ITGA11: variants seen among roughly 807,000 people sequenced by gnomAD.
ITGA11 encodes the protein integrin subunit alpha 11.
ITGA11 carries 97 observed loss-of-function variants against 141.9 expected under a neutral mutation model. That is an observed-to-expected ratio of 0.68 (90% CI 0.58 to 0.81). The LOEUF is 0.81. Among genes scored for constraint, ITGA11 ranks in the 30% least tolerant of loss-of-function variants. ITGA11 has a pLI of 0.00. For synonymous variants in ITGA11, 658 were observed against 624.6 expected (o/e 1.05, Z -0.80); for missense variants, 1,387 against 1,559.2 (o/e 0.89, Z 1.86).
In ITGA11 at chr15:68,411,983, C is replaced by G. The variant is rs147441046; in HGVS notation, c.53-8954G>C. On this transcript the variant is annotated intron_variant, in intron 1 of 29. Coordinates refer to ENST00000315757, the MANE Select transcript of ITGA11 (RefSeq NM_001004439.2). Reference sequence around the variant, plus strand: ...AGGTCAGCACCCCCAAACTCACAAGCAAGCCCAGTGAGCCCAGCAGAGCCA... The same window carrying G: ...AGGTCAGCACCCCCAAACTCACAAGGAAGCCCAGTGAGCCCAGCAGAGCCA... 3.0e-3 allele frequency among the ~76,000 whole-genome samples: 454 copies of G among 152,206 alleles called. 3 individuals are homozygous for G. Among genetic ancestry groups the G allele is most frequent in the African/African-American group, 0.011 (443 of 41,522 alleles).
rs145106604 is a variant in ITGA11 at position 68,407,556 on chromosome 15, T to C, written c.53-4527A>G. On this transcript the variant is annotated intron_variant, in intron 1 of 29. Transcript: ENST00000315757. ...CCAACATGATAAAATAAAGTTGTTT[T>C]GATGGGAATGAACAGGCTGATTGCA... Among the ~76,000 whole-genome samples, 358 of 152,258 alleles carry C rather than the reference T, an allele frequency of 2.4e-3. 3 individuals carry two copies. The highest frequency in any genetic ancestry group is 8.3e-3 in the African/African-American group (343 of 41,548).
At chr15:68,332,313 C>A in intron 13 of ITGA11, 25 bp downstream of exon 13, 1 of 1,589,496 alleles carries the variant, frequency 6.3e-7, no homozygotes. Context: ...ACCTGAGAAG[C>A]TGCCCAGCCC....
At chr15:68,429,498 C>G (rs1011493591) in intron 1 of ITGA11, among the ~76,000 whole-genome samples, 2 of 152,152 alleles carry the variant, frequency 1.3e-5, no homozygotes, top group African/African-American at 4.8e-5. Context: ...TTTGTCTACC[C>G]CATCACGCTG....
chr15:68,306,133 T>C (rs940988662), intron 28 of ITGA11, among the ~76,000 whole-genome samples: 1 of 143,826 alleles, frequency 7.0e-6, no homozygotes, highest in African/African-American at 2.6e-5. Flanking sequence ...GAGCTGGCAG[T>C]GAGCCGAGAT....
intron 3 of ITGA11, 123 bp downstream of exon 3, chr15:68,369,061 T>C: frequency 1.4e-6 from 1 of 714,910 alleles, no homozygotes; most frequent in Non-Finnish European, 2.5e-6. Flanking sequence ...TGATATCAGC[T>C]GGGTCATCTC....
intron 1 of ITGA11, among the ~76,000 whole-genome samples, chr15:68,428,160 G>A (rs1366915902): frequency 1.3e-5 from 2 of 152,162 alleles, no homozygotes; most frequent in African/African-American, 2.4e-5. Flanking sequence ...AGAAGAAACA[G>A]GGGCTTTTAA....
chr15:68,356,998 C>T lies in ITGA11; in HGVS notation c.749+153G>A. On this transcript the variant is annotated intron_variant, in intron 7 of 29. Coordinates refer to ENST00000315757, the MANE Select transcript of ITGA11 (RefSeq NM_001004439.2). ...CTGAGAGGACCCAAGAGAAAACCGA[C>T]CAGCTGAGCCCAGTCAAACTCCAGA... is the stretch of plus-strand genomic sequence containing the variant. 3 of 701,452 alleles carry T rather than the reference C, an allele frequency of 4.3e-6. No homozygotes were observed. In the South Asian group the frequency reaches 6.0e-5, roughly 14 times the overall value. The allele number at this position is 701,452 out of a possible 1,614,324, so 43.5% of individuals were successfully genotyped here.
chr15:68,329,170 C>T (rs1894077808), intron 15 of ITGA11, among the ~76,000 whole-genome samples: 1 of 152,146 alleles, frequency 6.6e-6, no homozygotes, highest in Non-Finnish European at 1.5e-5. Flanking sequence ...CTCATTGGAC[C>T]TTGGCAGGTC....
At chr15:68,397,596 A>AATATTTAAAATATT in intron 2 of ITGA11, among the ~76,000 whole-genome samples, 1 of 36,948 alleles carries the variant, frequency 2.7e-5, no homozygotes, top group African/African-American at 9.8e-5. Flanking sequence ...AATATTATAA[A>AATATTTAAAATATT]ATATTTAAAA....
At chr15:68,330,188 C>G (rs1894109050) in intron 15 of ITGA11, among the ~76,000 whole-genome samples, 1 of 152,214 alleles carries the variant, frequency 6.6e-6, no homozygotes, top group African/African-American at 2.4e-5. Context: ...AGACATTTCC[C>G]CCTTGGGTTG....
chr15:68,309,146 CA>C (rs1458378422), intron 26 of ITGA11, among the ~76,000 whole-genome samples: 2 of 152,042 alleles, frequency 1.3e-5, no homozygotes, highest in Non-Finnish European at 2.9e-5. Context: ...AGACAAAGCA[CA>C]AAAAAAGCAA....
At chr15:68,407,112 G>A (rs189274376) in intron 1 of ITGA11, among the ~76,000 whole-genome samples, 5 of 152,190 alleles carry the variant, frequency 3.3e-5, no homozygotes, top group Admixed American at 3.3e-4. Context: ...CCTGCCCTAG[G>A]TCCCATTGCC....
chr15:68,327,269 T>A (rs536474299), intron 16 of ITGA11, among the ~76,000 whole-genome samples: 15 of 152,288 alleles, frequency 9.8e-5, no homozygotes, highest in African/African-American at 3.4e-4. Flanking sequence ...AATCTCTGAC[T>A]CTATTCTGGG....
intron 1 of ITGA11, among the ~76,000 whole-genome samples, chr15:68,421,425 G>C (rs1430521501): frequency 6.6e-6 from 1 of 152,170 alleles, no homozygotes; most frequent in Admixed American, 6.5e-5. Flanking sequence ...CAGAGTAAGC[G>C]GGGAGCCCTG....
chr15:68,310,540 C>G (rs1183461607), intron 26 of ITGA11, among the ~76,000 whole-genome samples: 1 of 152,224 alleles, frequency 6.6e-6, no homozygotes, highest in African/African-American at 2.4e-5. Context: ...GAAATTGAAG[C>G]TGGTCTGCAT....
In ITGA11 at chr15:68,403,030, C is replaced by G; in HGVS notation, c.53-1G>C. 1 of 1,606,868 alleles carries G rather than the reference C, an allele frequency of 6.2e-7. No homozygotes were observed. Among genetic ancestry groups the G allele is most frequent in the South Asian group, 1.1e-5 (1 of 90,488 alleles). Reference sequence around the variant, plus strand: ...TCCATGTTGAAGGTGTCCGTGAACCCTGAGGCAGGGGGAGAGGAGAGGAGA... The same window carrying G: ...TCCATGTTGAAGGTGTCCGTGAACCGTGAGGCAGGGGGAGAGGAGAGGAGA... On this transcript the variant is annotated splice_acceptor_variant, in intron 1 of 29. Transcript: ENST00000315757. LOFTEE classifies it high-confidence loss of function.
intron 10 of ITGA11, chr15:68,340,657 G>A (rs933332868): frequency 1.3e-5 from 2 of 152,126 alleles, no homozygotes; most frequent in African/African-American, 4.8e-5. Context: ...GCAATGCTTG[G>A]GCAGGAAGAC....
intron 2 of ITGA11, among the ~76,000 whole-genome samples, chr15:68,372,206 T>C (rs1286079512): frequency 2.0e-5 from 3 of 152,184 alleles, no homozygotes; most frequent in Admixed American, 2.0e-4. Flanking sequence ...GTGTGCCTGT[T>C]GGGCTTGAGG....
At chr15:68,410,076 T>C (rs924505378) in intron 1 of ITGA11, among the ~76,000 whole-genome samples, 5 of 152,198 alleles carry the variant, frequency 3.3e-5, no homozygotes, top group African/African-American at 1.2e-4. Context: ...TGTTGACTCC[T>C]TGATCACAAC....
Sources: gnomAD v4.1 joint callset for allele counts (sites outside exome capture counted in the v4.1 genomes callset) on GRCh38, gnomAD v4.1.1 for gene constraint, MANE v1.5 for transcripts, NCBI Gene and HGNC (gene_info 2026-07-23, HGNC 2026-07-21) for gene names.